The following TFDP1 variants were observed in gnomAD, a reference collection of about 807,000 sequenced individuals.
The protein encoded by TFDP1 is DRTF1-polypeptide 1.
Under a neutral mutation model 48.0 loss-of-function variants are expected in TFDP1, and 6 were observed. The ratio of observed to expected loss-of-function variants is 0.13; its 90% CI spans 0.07 to 0.25. TFDP1 has a LOEUF of 0.25. TFDP1 is among the 10% of genes least tolerant of loss of function. The pLI, the probability that TFDP1 is intolerant of heterozygous loss-of-function variation, is 1.00. For missense variants in TFDP1, 335 were observed against 543.0 expected (o/e 0.62, Z 3.81); for synonymous variants, 201 against 211.6 (o/e 0.95, Z 0.44).
At position 113,598,792 on chromosome 13, in the gene TFDP1, C is replaced by T. The variant is rs756127096; in HGVS notation, c.13-12204C>T. Reference sequence around the variant, plus strand: ...TGTGGCCGCCGTCCCTCTGTCCGCTCGGGGTAGCCAGCTTCCTCTGACTCT... The same window carrying T: ...TGTGGCCGCCGTCCCTCTGTCCGCTTGGGGTAGCCAGCTTCCTCTGACTCT... On this transcript the variant is annotated intron_variant, in intron 2 of 11. Transcript: ENST00000375370. This position sits in a 1 kb window ranked among gnomAD's most constrained non-coding sequence, Gnocchi z 4.2. Among the ~76,000 whole-genome samples, 4 of 152,178 alleles carry T rather than the reference C, an allele frequency of 2.6e-5. No individual in the cohort carries two copies. Among genetic ancestry groups the T allele is most frequent in the Non-Finnish European group, 4.4e-5 (3 of 68,032 alleles).
intron 5 of TFDP1, 144 bp downstream of exon 5, chr13:113,631,888 T>C: frequency 8.3e-7 from 1 of 1,211,586 alleles, no homozygotes; most frequent in Non-Finnish European, 1.1e-6. Flanking sequence ...CACTCACCCA[T>C]CATCGTGGCC....
intron 3 of TFDP1, among the ~76,000 whole-genome samples, chr13:113,614,400 T>C (rs938822801): frequency 6.6e-6 from 1 of 152,168 alleles, no homozygotes; most frequent in Non-Finnish European, 1.5e-5. Context: ...ATGGAGCCGT[T>C]GCAGCTGCTT....
chr13:113,615,247 T>C (rs868648011), intron 3 of TFDP1, among the ~76,000 whole-genome samples: 41 of 151,304 alleles, frequency 2.7e-4, no homozygotes, highest in African/African-American at 9.1e-4. Flanking sequence ...ACACACACTT[T>C]GTGTGTCTGG....
intron 3 of TFDP1, among the ~76,000 whole-genome samples, chr13:113,619,571 G>A (rs1361829780): frequency 6.6e-6 from 1 of 152,122 alleles, no homozygotes; most frequent in Non-Finnish European, 1.5e-5. Context: ...GTACGTCTGG[G>A]TGTGGGTCTG....
intron 11 of TFDP1, 144 bp downstream of exon 11, chr13:113,638,040 G>T: frequency 3.0e-6 from 3 of 1,004,698 alleles, no homozygotes; most frequent in Non-Finnish European, 4.4e-6. Context: ...GTGGGGCCCC[G>T]CTGGCTTTCC....
chr13:113,587,400 G>A (rs184566196), intron 2 of TFDP1, among the ~76,000 whole-genome samples: 63 of 152,216 alleles, frequency 4.1e-4, no homozygotes, highest in African/African-American at 1.4e-3. Flanking sequence ...CCTGCTCAAA[G>A]CCTGGGAGTG....
At chr13:113,590,379 AG>A (rs2048110810) in intron 2 of TFDP1, among the ~76,000 whole-genome samples, 1 of 152,194 alleles carries the variant, frequency 6.6e-6, no homozygotes, top group Non-Finnish European at 1.5e-5. Flanking sequence ...AGCTCCTCTA[AG>A]GGTCTACCAC....
At position 113,627,018 on chromosome 13, in the gene TFDP1, T is replaced by C. The variant is rs940280953; in HGVS notation, c.186+3732T>C. Among the ~76,000 whole-genome samples the C allele has an allele frequency of 6.6e-6, 1 of 152,204 alleles. No individual in the cohort carries two copies. Among genetic ancestry groups the C allele is most frequent in the African/African-American group, 2.4e-5 (1 of 41,446 alleles). On this transcript the variant is annotated intron_variant, in intron 4 of 11. Coordinates refer to ENST00000375370, the MANE Select transcript of TFDP1 (RefSeq NM_007111.5). This position sits in a 1 kb window ranked among gnomAD's most constrained non-coding sequence, Gnocchi z 4.1. ...CCTGATTTAAATTCAGCTGTTCGGG[T>C]GGAGTTTGTCATTGCTGTTTTGTGC...
intron 2 of TFDP1, among the ~76,000 whole-genome samples, chr13:113,593,072 G>GGT: frequency 6.7e-6 from 1 of 150,062 alleles, no homozygotes; most frequent in Non-Finnish European, 1.5e-5. Context: ...TGACAGGTGT[G>GGT]GTGTGCGCGG....
intron 11 of TFDP1, among the ~76,000 whole-genome samples, chr13:113,639,018 G>T (rs991819424): frequency 3.9e-5 from 6 of 152,182 alleles, no homozygotes; most frequent in African/African-American, 1.2e-4. Context: ...TTCCTGGCCA[G>T]CTCTGGAAGT....
chr13:113,634,695 C>A, intron 8 of TFDP1, 93 bp downstream of exon 8: 1 of 884,272 alleles, frequency 1.1e-6, no homozygotes, highest in Non-Finnish European at 1.8e-6. Flanking sequence ...TACACTCCTG[C>A]ATGGCAAATC....
At chr13:113,634,158 G>A in intron 7 of TFDP1, 125 bp downstream of exon 7, 1 of 1,370,376 alleles carries the variant, frequency 7.3e-7, no homozygotes, top group South Asian at 1.2e-5. Context: ...CTGGCAGACG[G>A]TCATGCAGAC....
chr13:113,584,916 AGCCGCGGGC>A (rs1303687827), intron 1 of TFDP1, 28 bp downstream of exon 1: 3 of 145,388 alleles, frequency 2.1e-5, no homozygotes, highest in African/African-American at 7.4e-5. Flanking sequence ...ATGCCGCGGG[AGCCGCGGGC>A]GGGAGCCGGG....
chr13:113,594,832 CT>C (rs2048247929), intron 2 of TFDP1, among the ~76,000 whole-genome samples: 1 of 152,230 alleles, frequency 6.6e-6, no homozygotes, highest in Non-Finnish European at 1.5e-5. Flanking sequence ...AATATTTCTT[CT>C]GATTATAAGA....
intron 2 of TFDP1, among the ~76,000 whole-genome samples, chr13:113,590,198 C>G (rs1006195101): frequency 6.6e-6 from 1 of 152,198 alleles, no homozygotes; most frequent in African/African-American, 2.4e-5. Context: ...GCCCGGTATT[C>G]ACGTGCCTTG....
intron 5 of TFDP1, among the ~76,000 whole-genome samples, chr13:113,632,682 G>T (rs943233405): frequency 2.0e-5 from 3 of 152,240 alleles, no homozygotes; most frequent in African/African-American, 7.2e-5. Context: ...GGAGGCTGAG[G>T]CAGGAGAATC....
intron 3 of TFDP1, among the ~76,000 whole-genome samples, chr13:113,614,773 G>A (rs2048815680): frequency 6.6e-6 from 1 of 152,230 alleles, no homozygotes; most frequent in Non-Finnish European, 1.5e-5. Context: ...GAACCTGGGT[G>A]GGGACTCACT....
chr13:113,625,738 TGTCCTCAGGCGTCTCTCAC>T, intron 4 of TFDP1, among the ~76,000 whole-genome samples: 1 of 48,122 alleles, frequency 2.1e-5, no homozygotes. Flanking sequence ...GTCTCTCACG[TGTCCTCAGGCGTCTCTCAC>T]GTGTCCTCAG....
At position 113,592,001 on chromosome 13, in the gene TFDP1, C is replaced by T. The variant is rs4150695; in HGVS notation, c.12+6152C>T. On this transcript the variant is annotated intron_variant, in intron 2 of 11. Transcript: ENST00000375370. ...ACTGGCTGAGATTCCCGCAGCATCC[C>T]GACTCCGCTTCAGGGCTCCTGTGAG... Among the ~76,000 whole-genome samples, 493 of 152,322 alleles carry T rather than the reference C, an allele frequency of 3.2e-3. 2 individuals are homozygous for T. Among genetic ancestry groups the T allele is most frequent in the African/African-American group, 0.011 (469 of 41,562 alleles).
Sources: allele counts gnomAD v4.1 joint callset (sites outside exome capture counted in the v4.1 genomes callset), GRCh38; gene constraint gnomAD v4.1.1; non-coding constraint Gnocchi (gnomAD v3.1); transcripts MANE v1.5; gene names NCBI Gene and HGNC (gene_info 2026-07-23, HGNC 2026-07-21).